The following SNAP47 variants were observed in gnomAD, a reference collection of about 807,000 sequenced individuals.
SNAP47 encodes the protein synaptosome associated protein 47.
In SNAP47, 20 loss-of-function variants were observed where a neutral mutation model predicts 31.4. That is an observed-to-expected ratio of 0.64 (90% CI 0.45 to 0.93). SNAP47 has a LOEUF of 0.93. Ranked by LOEUF, SNAP47 falls within the 40% of genes least tolerant of loss-of-function variation. SNAP47 has a pLI of 0.00. For missense variants in SNAP47, 492 were observed against 528.5 expected, an observed-to-expected ratio of 0.93 and a Z score of 0.68; for synonymous variants, 194 against 213.4, an observed-to-expected ratio of 0.91 and a Z score of 0.79.
chr1:227,773,505 T>C (rs764513269), intron 4 of SNAP47, among the ~76,000 whole-genome samples: 1 of 152,192 alleles, frequency 6.6e-6, no homozygotes, highest in African/African-American at 2.4e-5. Flanking sequence ...TAGTGGAGCC[T>C]TAGTGCGCAG....
chr1:227,729,926 C>T (rs1024038690), intron 1 of SNAP47, among the ~76,000 whole-genome samples: 14 of 152,352 alleles, frequency 9.2e-5, no homozygotes, highest in African/African-American at 3.4e-4. Flanking sequence ...TGGGGGCCCA[C>T]AGGTCCCACT....
intron 3 of SNAP47, among the ~76,000 whole-genome samples, chr1:227,766,480 C>T (rs926344573): frequency 2.0e-5 from 3 of 152,170 alleles, no homozygotes; most frequent in African/African-American, 7.2e-5. Context: ...CTGAGCCTGA[C>T]CACGGGCAGC....
Position 227,763,931 on chromosome 1 carries a change from T to C in SNAP47, c.989-3028T>C, listed in dbSNP as rs2102966941. Among the ~76,000 whole-genome samples the C allele has an allele frequency of 6.6e-6, 1 of 152,246 alleles. No homozygotes were observed. Among genetic ancestry groups the C allele is most frequent in the African/African-American group, 2.4e-5 (1 of 41,542 alleles). On this transcript the variant is annotated intron_variant, in intron 3 of 4. Coordinates refer to ENST00000617596, the MANE Select transcript of SNAP47 (RefSeq NM_053052.4). This position sits in a 1 kb window ranked among gnomAD's most constrained non-coding sequence, Gnocchi z 4.2. ...CACTGGCAGTGAAGACAGAGCTGTG[T>C]CTTGCACAGGGGCCTGTGGCCTCAG...
intron 2 of SNAP47, among the ~76,000 whole-genome samples, chr1:227,751,164 C>T (rs1012026787): frequency 2.0e-5 from 3 of 152,314 alleles, no homozygotes; most frequent in South Asian, 2.1e-4. Context: ...TTTGATTGTG[C>T]GGTGAAGAAG....
upstream of SNAP47, chr1:227,733,856 C>T (rs371821657): frequency 2.7e-5 from 44 of 1,607,862 alleles, no homozygotes; most frequent in East Asian, 9.1e-4. Context: ...CCTCCCAGTC[C>T]GTTCTGTCAC....
At chr1:227,752,590 T>A (rs1311553344) in intron 2 of SNAP47, among the ~76,000 whole-genome samples, 1 of 152,208 alleles carries the variant, frequency 6.6e-6, no homozygotes, top group African/African-American at 2.4e-5. Context: ...CTGAATAAAA[T>A]TCCATGGCAT....
At chr1:227,728,851 C>A (rs1360543426) in intron 1 of SNAP47, 1 of 152,354 alleles carries the variant, frequency 6.6e-6, no homozygotes, top group African/African-American at 2.4e-5. Context: ...AGCAGGCAGG[C>A]CCTGCCGCGG....
rs559956939 is a variant in SNAP47 at position 227,745,552 on chromosome 1, T to C, written c.-45-2140T>C. Among the ~76,000 whole-genome samples, 4 of 152,238 alleles carry C rather than the reference T, an allele frequency of 2.6e-5. No individual in the cohort carries two copies. The East Asian group carries it at 7.7e-4, about 29-fold the overall frequency. On this transcript the variant is annotated intron_variant, in intron 1 of 4. Transcript: ENST00000617596. ...GAATAGAGTGGCCTTGCAGATGTCA[T>C]ACACATCACCCAGGGGCTACATGGG... is the stretch of plus-strand genomic sequence containing the variant.
At chr1:227,766,563 G>T (rs1030963084) in intron 3 of SNAP47, among the ~76,000 whole-genome samples, 2 of 152,226 alleles carry the variant, frequency 1.3e-5, no homozygotes, top group African/African-American at 2.4e-5. Flanking sequence ...CACTTCCTGT[G>T]CTCTCCAGAA....
chr1:227,780,838 G>C lies in SNAP47; in HGVS notation c.*165G>C. 1 of 933,912 alleles carries C rather than the reference G, an allele frequency of 1.1e-6. No homozygotes were observed. The allele number at this position is 933,912 out of a possible 1,614,324, so 57.9% of individuals were successfully genotyped here. On this transcript the variant is annotated 3_prime_UTR_variant, in exon 5 of 5. Coordinates refer to ENST00000617596, the MANE Select transcript of SNAP47 (RefSeq NM_053052.4). ...TTCTGCACCAGGGGCCTCCCCAGGT[G>C]TGCACCATGCCTGCCTCCCACTTGG... is the stretch of plus-strand genomic sequence containing the variant.
At chr1:227,735,260 G>A, upstream of SNAP47, 3 of 1,604,470 alleles carry the variant, frequency 1.9e-6, no homozygotes, top group Non-Finnish European at 2.6e-6. Flanking sequence ...GAGGGCGCGC[G>A]TCTCGCGGTC....
chr1:227,775,652 T>TGC (rs1664114376), intron 4 of SNAP47: 1 of 827,016 alleles, frequency 1.2e-6, no homozygotes, highest in Admixed American at 2.7e-5. Flanking sequence ...GCCCTAATGG[T>TGC]GCGCGCATGG....
intron 3 of SNAP47, among the ~76,000 whole-genome samples, chr1:227,761,576 G>A (rs1454341192): frequency 6.6e-6 from 1 of 152,218 alleles, no homozygotes; most frequent in Non-Finnish European, 1.5e-5. Flanking sequence ...GTCCTAGTGG[G>A]AGACAGGCTA....
At chr1:227,776,080 C>T in intron 4 of SNAP47, 1 of 1,183,624 alleles carries the variant, frequency 8.4e-7, no homozygotes, top group Non-Finnish European at 1.1e-6. Context: ...TCAGGTTGTG[C>T]CTCTTGCTGC....
chr1:227,749,202 TG>T (rs1662179661), intron 2 of SNAP47, among the ~76,000 whole-genome samples: 1 of 152,172 alleles, frequency 6.6e-6, no homozygotes, highest in South Asian at 2.1e-4. Flanking sequence ...TTGCCTTTTT[TG>T]TCGCGGTCGT....
intron 1 of SNAP47, among the ~76,000 whole-genome samples, chr1:227,738,261 C>T (rs1333263769): frequency 2.6e-5 from 4 of 152,222 alleles, no homozygotes; most frequent in East Asian, 1.9e-4. Context: ...AGGCTGGTCT[C>T]GAACTCCTGA....
chr1:227,744,907 G>T (rs1475870136), intron 1 of SNAP47, among the ~76,000 whole-genome samples: 2 of 152,192 alleles, frequency 1.3e-5, no homozygotes, highest in African/African-American at 4.8e-5. Flanking sequence ...CCCACTCAGG[G>T]ATAGGGGCAG....
upstream of SNAP47, chr1:227,732,058 GC>G: frequency 2.4e-6 from 1 of 412,000 alleles, no homozygotes; most frequent in South Asian, 2.6e-5. Context: ...ATTAAGAGGA[GC>G]CACCAGAGAA....
chr1:227,735,640 C>T, intron 1 of SNAP47, 141 bp downstream of exon 1: 1 of 1,318,378 alleles, frequency 7.6e-7, no homozygotes, highest in Non-Finnish European at 9.6e-7. Context: ...ATGCGGGCTG[C>T]GCTGGGAGAG....
Sources: gnomAD v4.1 joint callset for allele counts (sites outside exome capture counted in the v4.1 genomes callset) on GRCh38, gnomAD v4.1.1 for gene constraint, Gnocchi (gnomAD v3.1) non-coding constraint, MANE v1.5 for transcripts, NCBI Gene and HGNC (gene_info 2026-07-23, HGNC 2026-07-21) for gene names.